ATXN10: variants seen among roughly 807,000 people sequenced by gnomAD.
ATXN10 encodes ataxin 10.
In ATXN10, 28 loss-of-function variants were observed where a neutral mutation model predicts 52.9. The observed-to-expected ratio is 0.53, with a 90% confidence interval of 0.39 to 0.73. The LOEUF (loss-of-function observed/expected upper bound fraction) is 0.73. Ranked by LOEUF, ATXN10 falls within the 30% of genes least tolerant of loss-of-function variation. The pLI is 0.00. For missense variants in ATXN10, 565 were observed against 577.0 expected (o/e 0.98, Z 0.21); for synonymous variants, 226 against 221.5 (o/e 1.02, Z -0.18).
rs755569219 is a variant in ATXN10, at chr22:45,759,507, TCAAA to T, written c.1173+18982_1173+18985del. Among the ~76,000 whole-genome samples the T allele has an allele frequency of 5.3e-5, 8 of 152,062 alleles. No individual in the cohort carries two copies. The highest frequency in any genetic ancestry group is 2.1e-4 in the South Asian group (1 of 4,822). ...AGCCTGGGCAGAGCAAGACTCCGTG[TCAAA>T]CAAACAAACAAAAAAGATTCTAGAG... On this transcript the variant is annotated intron_variant, in intron 9 of 11. Coordinates refer to ENST00000252934, the MANE Select transcript of ATXN10 (RefSeq NM_013236.4). The surrounding 1 kb of genome is among the most constrained non-coding windows in gnomAD (Gnocchi z 5.4).
rs1221344027 is a variant in ATXN10 at position 45,757,438 on chromosome 22, G to A, written c.1173+16900G>A. On this transcript the variant is annotated intron_variant, in intron 9 of 11. Coordinates refer to ENST00000252934, the MANE Select transcript of ATXN10 (RefSeq NM_013236.4). This position sits in a 1 kb window ranked among gnomAD's most constrained non-coding sequence, Gnocchi z 4.6. ...CTGAGGCTCCGAGGTGGGAGCCCAG[G>A]CTGGGATTCAGGATTTCGCTGCTCC... Among the ~76,000 whole-genome samples, 1 of 152,160 alleles carries A rather than the reference G, an allele frequency of 6.6e-6. No homozygotes were observed. Among genetic ancestry groups the A allele is most frequent in the Non-Finnish European group, 1.5e-5 (1 of 68,028 alleles).
At chr22:45,682,176 A>G (rs1467604717) in intron 1 of ATXN10, among the ~76,000 whole-genome samples, 2 of 152,186 alleles carry the variant, frequency 1.3e-5, no homozygotes. Flanking sequence ...TCCCTGAGTG[A>G]TAATCCTTCC....
In ATXN10 at chr22:45,828,911, A is replaced by T. The variant is rs1928902022; in HGVS notation, c.1238-14080A>T. Reference sequence around the variant, plus strand: ...AAGAGAACACTTCCTAACTCATTTTATGAAGCCAGCATTTCCCTGGTACAA... The same window carrying T: ...AAGAGAACACTTCCTAACTCATTTTTTGAAGCCAGCATTTCCCTGGTACAA... On this transcript the variant is annotated intron_variant, in intron 10 of 11. Coordinates refer to ENST00000252934, the MANE Select transcript of ATXN10 (RefSeq NM_013236.4). This position sits in a 1 kb window ranked among gnomAD's most constrained non-coding sequence, Gnocchi z 4.5. 6.6e-6 allele frequency among the ~76,000 whole-genome samples: 1 copy of T among 152,328 alleles called. No homozygotes were observed. Among genetic ancestry groups the T allele is most frequent in the Admixed American group, 6.5e-5 (1 of 15,306 alleles).
At chr22:45,739,040 C>T (rs912741500) in intron 8 of ATXN10, among the ~76,000 whole-genome samples, 2 of 152,162 alleles carry the variant, frequency 1.3e-5, no homozygotes, top group Non-Finnish European at 2.9e-5. Context: ...CAGCCACTTC[C>T]CTTCTGTTAA....
chr22:45,793,576 A>G, intron 9 of ATXN10: 4 of 1,299,262 alleles, frequency 3.1e-6, no homozygotes, highest in Non-Finnish European at 2.0e-6. Context: ...AATGACTAGA[A>G]TTCTGGAGCC....
In ATXN10 at chr22:45,729,507, C is replaced by A; in HGVS notation, c.811C>A (p.His271Asn). ...GGATGACATCCCTGTGTTTTTGCGGCATGCTGAGTTGATTGCAAGCACCTT... is the reference window on the plus strand; with the variant it reads ...GGATGACATCCCTGTGTTTTTGCGGAATGCTGAGTTGATTGCAAGCACCTT... ...TKDDIPVFLR[H>N]AELIASTFVD... The change falls in exon 7 of 12, where the codon CAT becomes AAT. Residue 271 changes from histidine (H) to asparagine (N), a missense_variant. His to Asn is a moderately conservative substitution (Grantham distance 68, BLOSUM62 1). Coordinates refer to ENST00000252934, the MANE Select transcript of ATXN10 (RefSeq NM_013236.4). 1.2e-6 allele frequency: 2 copies of A among 1,614,104 alleles called. No individual in the cohort carries two copies. The highest frequency in any genetic ancestry group is 1.7e-6 in the Non-Finnish European group (2 of 1,180,012).
intron 10 of ATXN10, among the ~76,000 whole-genome samples, chr22:45,830,659 C>T (rs1928959645): frequency 1.3e-5 from 2 of 151,392 alleles, no homozygotes; most frequent in Admixed American, 1.3e-4. Flanking sequence ...GAGATACCAC[C>T]TCACATCCAT....
intron 1 of ATXN10, among the ~76,000 whole-genome samples, chr22:45,685,812 G>A (rs1223506591): frequency 6.6e-6 from 1 of 152,162 alleles, no homozygotes; most frequent in Non-Finnish European, 1.5e-5. Context: ...AGAAGCTATA[G>A]ATATTTATTA....
intron 9 of ATXN10, among the ~76,000 whole-genome samples, chr22:45,741,961 A>G (rs969887199): frequency 3.3e-5 from 5 of 152,156 alleles, no homozygotes; most frequent in African/African-American, 9.7e-5. Context: ...TTTGAGGGCA[A>G]CCATGGCATT....
At chr22:45,747,767 T>A (rs1424556482) in intron 9 of ATXN10, among the ~76,000 whole-genome samples, 1 of 152,128 alleles carries the variant, frequency 6.6e-6, no homozygotes, top group Non-Finnish European at 1.5e-5. Context: ...CAGTTACACC[T>A]CCTTGTGGGG....
chr22:45,757,272 T>G lies in ATXN10; in HGVS notation c.1173+16734T>G, dbSNP rs2069663710. ...TGTTGGAATTCCAACCCTGGCGACT[T>G]TCAGCTACACCCTCCTCCCTCCCCT... On this transcript the variant is annotated intron_variant, in intron 9 of 11. Transcript: ENST00000252934. The surrounding 1 kb of genome is among the most constrained non-coding windows in gnomAD (Gnocchi z 4.6). Among the ~76,000 whole-genome samples, 1 of 152,136 alleles carries G rather than the reference T, an allele frequency of 6.6e-6. No homozygotes were observed. Among genetic ancestry groups the G allele is most frequent in the African/African-American group, 2.4e-5 (1 of 41,434 alleles).
chr22:45,693,498 C>T (rs2146742543), intron 3 of ATXN10, among the ~76,000 whole-genome samples: 1 of 152,260 alleles, frequency 6.6e-6, no homozygotes, highest in African/African-American at 2.4e-5. Flanking sequence ...AAGGCATAAA[C>T]AAGCTCTCTG....
chr22:45,722,271 A>G (rs1289709043), intron 6 of ATXN10, among the ~76,000 whole-genome samples: 1 of 152,202 alleles, frequency 6.6e-6, no homozygotes, highest in Non-Finnish European at 1.5e-5. Context: ...GTATTCTTTT[A>G]TATTTTCAAG....
Position 45,807,213 on chromosome 22 carries a change from A to G in ATXN10, c.1237+191A>G, listed in dbSNP as rs567773279. 2.8e-5 allele frequency: 19 copies of G among 680,898 alleles called. No homozygotes were observed. In the South Asian group the frequency reaches 2.8e-4, roughly 10 times the overall value. 42.2% of individuals were successfully genotyped at this position (680,898 alleles called of 1,614,324 possible). On this transcript the variant is annotated intron_variant, in intron 10 of 11. Coordinates refer to ENST00000252934, the MANE Select transcript of ATXN10 (RefSeq NM_013236.4). ...ATTTCTGTAACCTTTGTAGTATGGT[A>G]AGCTAGTTTTTTCATGGTGAATAAG...
Position 45,818,874 on chromosome 22 carries a change from A to G in ATXN10, c.1237+11852A>G, listed in dbSNP as rs5765640. Among the ~76,000 whole-genome samples the G allele has an allele frequency of 5.0e-4, 76 of 152,262 alleles. 1 individual carries two copies. In the East Asian group the frequency reaches 0.015, roughly 29 times the overall value. ...CCTAAGGACCTGCTCCTTAGAGCCA[A>G]GCCCCGTGACTGATGCAGGCTGATG... On this transcript the variant is annotated intron_variant, in intron 10 of 11. Transcript: ENST00000252934. The surrounding 1 kb of genome is among the most constrained non-coding windows in gnomAD (Gnocchi z 4.6).
intron 1 of ATXN10, chr22:45,689,398 G>A: frequency 2.5e-6 from 1 of 392,912 alleles, no homozygotes; most frequent in Non-Finnish European, 4.8e-6. Flanking sequence ...GCCAGTTACT[G>A]GCTGAGTGAT....
Position 45,814,524 on chromosome 22 carries a change from T to C in ATXN10, c.1237+7502T>C, listed in dbSNP as rs376525857. On this transcript the variant is annotated intron_variant, in intron 10 of 11. Transcript: ENST00000252934. ...CTAATACATGATGGTGGGATGTAAA[T>C]AGGAAGAATTGCTTTGGAAAGCTTT... 7.2e-5 allele frequency among the ~76,000 whole-genome samples: 11 copies of C among 152,248 alleles called. No homozygotes were observed. In the South Asian group the frequency reaches 1.9e-3, roughly 26 times the overall value.
In ATXN10 at chr22:45,786,334, G is replaced by C. The variant is rs958120673; in HGVS notation, c.1174-20625G>C. Among the ~76,000 whole-genome samples, 1 of 152,216 alleles carries C rather than the reference G, an allele frequency of 6.6e-6. No individual in the cohort carries two copies. The highest frequency in any genetic ancestry group is 1.5e-5 in the Non-Finnish European group (1 of 68,048). On this transcript the variant is annotated intron_variant, in intron 9 of 11. Coordinates refer to ENST00000252934, the MANE Select transcript of ATXN10 (RefSeq NM_013236.4). The surrounding 1 kb of genome is among the most constrained non-coding windows in gnomAD (Gnocchi z 4.1). ...TATTGAGTTTTGCCATAGAACTGTA[G>C]TATCATTCTCTCTGGATTCCTTTCT...
rs901855408 is a variant in ATXN10 at position 45,781,895 on chromosome 22, A to C, written c.1174-25064A>C. On this transcript the variant is annotated intron_variant, in intron 9 of 11. Transcript: ENST00000252934. The surrounding 1 kb of genome is among the most constrained non-coding windows in gnomAD (Gnocchi z 4.2). ...TGGAAGAAAAAAATCAGTGAACTGG[A>C]GGATGGAATAAAAATTATCCAGTCT... 6.6e-6 allele frequency among the ~76,000 whole-genome samples: 1 copy of C among 152,238 alleles called. No individual in the cohort carries two copies. Among genetic ancestry groups the C allele is most frequent in the Admixed American group, 6.5e-5 (1 of 15,278 alleles).
Sources: gnomAD v4.1 joint callset for allele counts (sites outside exome capture counted in the v4.1 genomes callset) on GRCh38, gnomAD v4.1.1 for gene constraint, Gnocchi (gnomAD v3.1) non-coding constraint, MANE v1.5 for transcripts, NCBI Gene and HGNC (gene_info 2026-07-23, HGNC 2026-07-21) for gene names.